Variants in MS4A3 observed in about 807,000 individuals in gnomAD.
MS4A3 encodes membrane-spanning 4-domains subfamily A member 3.
A neutral mutation model predicts 24.7 loss-of-function variants in MS4A3; 18 were observed. That is an observed-to-expected ratio of 0.73 (90% confidence interval 0.50 to 1.08). MS4A3 has a LOEUF of 1.08. Ranked by LOEUF, MS4A3 falls within the 50% of genes least tolerant of loss-of-function variation. The pLI is 0.00. For missense variants in MS4A3, 282 were observed against 251.7 expected (o/e 1.12, Z -0.82); for synonymous variants, 84 against 95.3 (o/e 0.88, Z 0.69).
At chr11:60,070,113 T>C (rs992322235) in intron 6 of MS4A3, 91 bp from the exon 7 acceptor site, 177 of 1,116,578 alleles carry the variant, frequency 1.6e-4, no homozygotes, top group Non-Finnish European at 2.3e-4. Context: ...ATGGATTTTA[T>C]TGTTGATGAT....
chr11:60,059,353 T>C (rs987667196), intron 1 of MS4A3, among the ~76,000 whole-genome samples: 2 of 152,082 alleles, frequency 1.3e-5, no homozygotes, highest in South Asian at 2.1e-4. Flanking sequence ...AGTATATAAT[T>C]TGTAACAAAG....
intron 5 of MS4A3, among the ~76,000 whole-genome samples, 197 bp downstream of exon 5, chr11:60,067,309 G>A (rs1049859337): frequency 4.0e-5 from 6 of 150,696 alleles, no homozygotes; most frequent in African/African-American, 1.2e-4. Flanking sequence ...GCCCTCCTGG[G>A]TTCACAGCAT....
chr11:60,064,121 C>T (rs1483305322), intron 3 of MS4A3, 141 bp from the exon 4 acceptor site: 1 of 368,248 alleles, frequency 2.7e-6, no homozygotes, highest in Admixed American at 4.6e-5. Flanking sequence ...GCATCAAGTA[C>T]AATTCTGTGT....
intron 5 of MS4A3, among the ~76,000 whole-genome samples, chr11:60,067,639 G>A (rs1436657103): frequency 6.6e-6 from 1 of 152,144 alleles, no homozygotes; most frequent in Non-Finnish European, 1.5e-5. Flanking sequence ...GGATTTATGT[G>A]AGTATTTAAA....
Position 60,070,260 on chromosome 11 carries a change from G to C in MS4A3, c.*27G>C. ...CAAGAATACCTCCTTAATTCTGAGAGCATGAATATTTGACCTTAAATCTCC... is the reference window on the plus strand; with the variant it reads ...CAAGAATACCTCCTTAATTCTGAGACCATGAATATTTGACCTTAAATCTCC... On this transcript the variant is annotated 3_prime_UTR_variant, in exon 7 of 7. Coordinates refer to ENST00000278865, the MANE Select transcript of MS4A3 (RefSeq NM_006138.5). The C allele has an allele frequency of 7.8e-7, 1 of 1,286,004 alleles. No individual in the cohort carries two copies. The highest frequency in any genetic ancestry group is 1.1e-6 in the Non-Finnish European group (1 of 916,236). 79.7% of individuals were successfully genotyped at this position (1,286,004 alleles called of 1,614,324 possible).
chr11:60,066,650 CTT>C (rs1202589230), intron 4 of MS4A3, among the ~76,000 whole-genome samples: 1 of 152,212 alleles, frequency 6.6e-6, no homozygotes, highest in African/African-American at 2.4e-5. Context: ...CCACTCCTCT[CTT>C]TGGATTCCCA....
intron 1 of MS4A3, among the ~76,000 whole-genome samples, chr11:60,059,917 A>T (rs1855245325): frequency 6.6e-6 from 1 of 152,218 alleles, no homozygotes; most frequent in Non-Finnish European, 1.5e-5. Context: ...GTTATGGCAG[A>T]ATACAGCATC....
chr11:60,061,632 A>G lies in MS4A3; in HGVS notation c.156+316A>G, dbSNP rs977968616. On this transcript the variant is annotated intron_variant, in intron 2 of 6. Coordinates refer to ENST00000278865, the MANE Select transcript of MS4A3 (RefSeq NM_006138.5). ...GCTTATTGTATATAATATGTCACAT[A>G]CAAAATATGTGATAATCGACTGTTT... 1.2e-5 allele frequency: 4 copies of G among 321,470 alleles called. No homozygotes were observed. The Admixed American group carries it at 1.7e-4, about 13-fold the overall frequency. 19.9% of individuals were successfully genotyped at this position (321,470 alleles called of 1,614,324 possible).
chr11:60,060,570 A>G lies in MS4A3; in HGVS notation c.-15-576A>G, dbSNP rs150485619. On this transcript the variant is annotated intron_variant, in intron 1 of 6. Coordinates refer to ENST00000278865, the MANE Select transcript of MS4A3 (RefSeq NM_006138.5). ...TTGGACCTTAGAGTAGAATGTTTTT[A>G]GTAAAATCTGAAATGATTTATAAGC... 3.9e-5 allele frequency among the ~76,000 whole-genome samples: 6 copies of G among 152,310 alleles called. No individual in the cohort carries two copies. The East Asian group carries it at 1.2e-3, about 29-fold the overall frequency.
intron 4 of MS4A3, among the ~76,000 whole-genome samples, chr11:60,066,170 CA>C (rs1855358107): frequency 6.6e-6 from 1 of 152,206 alleles, no homozygotes; most frequent in Non-Finnish European, 1.5e-5. Context: ...GCTCTACTTT[CA>C]AGCTATTATT....
intron 4 of MS4A3, 137 bp downstream of exon 4, chr11:60,064,455 G>A (rs1449033077): frequency 6.7e-6 from 3 of 449,626 alleles, no homozygotes; most frequent in Admixed American, 5.2e-5. Context: ...TTTTCTTAAC[G>A]TGTTCAGATG....
chr11:60,064,317 G>T lies in MS4A3; in HGVS notation c.350G>T (p.Trp117Leu). The T allele has an allele frequency of 6.3e-7, 1 of 1,599,294 alleles. No homozygotes were observed. The highest frequency in any genetic ancestry group is 1.1e-5 in the South Asian group (1 of 88,750). Residue 117 changes from tryptophan (W) to leucine (L), a missense_variant and splice_region_variant, in exon 4 of 7, where the codon TGG becomes TTG. By Grantham distance (61) the Trp-to-Leu change is moderately conservative. Coordinates refer to ENST00000278865, the MANE Select transcript of MS4A3 (RefSeq NM_006138.5). Reference sequence around the variant, plus strand: ...GCAGGGATAAAACCCACAAGAACATGGGTAAGTAGCACTTCCTCTTTTTCT... The same window carrying T: ...GCAGGGATAAAACCCACAAGAACATTGGTAAGTAGCACTTCCTCTTTTTCT... The part of the protein sequence containing the change: ...VVAGIKPTRT[W>L]IQNSFGMNIA...
rs1855373518 is a variant in MS4A3, at chr11:60,067,064, TTCA to T, written c.469_471del (p.Ser157del). On this transcript the variant is annotated inframe_deletion, in exon 5 of 7. Coordinates refer to ENST00000278865, the MANE Select transcript of MS4A3 (RefSeq NM_006138.5). ...TCCAGTCATTAAGGAGTTGTCACTC[TTCA>T]TCAGAGTCACCGGACCTATGCAATT... is the stretch of plus-strand genomic sequence containing the variant. 6.2e-7 allele frequency: 1 copy of T among 1,612,888 alleles called. No homozygotes were observed. The highest frequency in any genetic ancestry group is 1.3e-5 in the African/African-American group (1 of 74,876).
chr11:60,066,918 A>G (rs769388956), intron 4 of MS4A3, 33 bp from the exon 5 acceptor site: 2 of 1,517,500 alleles, frequency 1.3e-6, no homozygotes, highest in South Asian at 2.4e-5. Flanking sequence ...TACGTGCTGC[A>G]TATATTAATT....
intron 1 of MS4A3, among the ~76,000 whole-genome samples, chr11:60,059,475 T>C (rs1266134324): frequency 6.6e-6 from 1 of 152,154 alleles, no homozygotes; most frequent in Non-Finnish European, 1.5e-5. Flanking sequence ...AGGGGTGTGT[T>C]GTGCAGATTG....
chr11:60,069,256 A>C (rs939037066), intron 5 of MS4A3, among the ~76,000 whole-genome samples: 7 of 152,180 alleles, frequency 4.6e-5, no homozygotes, highest in Non-Finnish European at 8.8e-5. Context: ...TCCTCTCCTT[A>C]GTTTACTACT....
chr11:60,065,886 T>A (rs1171036959), intron 4 of MS4A3, among the ~76,000 whole-genome samples: 2 of 151,880 alleles, frequency 1.3e-5, no homozygotes, highest in Admixed American at 1.3e-4. Context: ...CTATACGTAC[T>A]TCTTCTGTGA....
chr11:60,059,483 T>C (rs1459342035), intron 1 of MS4A3, among the ~76,000 whole-genome samples: 2 of 152,114 alleles, frequency 1.3e-5, no homozygotes, highest in African/African-American at 4.8e-5. Flanking sequence ...GTTGTGCAGA[T>C]TGTCACCCAG....
chr11:60,068,537 C>T (rs1280544419), intron 5 of MS4A3, among the ~76,000 whole-genome samples: 2 of 151,730 alleles, frequency 1.3e-5, no homozygotes, highest in South Asian at 2.1e-4. Context: ...CAGGCATGAG[C>T]CACCGCGCCC....
Sources: allele counts gnomAD v4.1 joint callset (sites outside exome capture counted in the v4.1 genomes callset), GRCh38; gene constraint gnomAD v4.1.1; transcripts MANE v1.5; gene names NCBI Gene and HGNC (gene_info 2026-07-23, HGNC 2026-07-21).